PMM2: variants seen among roughly 807,000 people sequenced by gnomAD.
PMM2 encodes phosphomannomutase 2, also known as mannose-6-phosphate isomerase.
A neutral mutation model predicts 33.2 loss-of-function variants in PMM2; 35 were observed. The observed-to-expected ratio is 1.06, with a 90% CI of 0.81 to 1.40. The LOEUF is 1.40. Ranked by LOEUF, PMM2 falls within the 40% of genes most tolerant of loss-of-function variation. The pLI is 0.00. For synonymous variants in PMM2, 153 were observed against 114.7 expected, an observed-to-expected ratio of 1.33 and a Z score of -2.13; for missense variants, 386 against 306.0, an observed-to-expected ratio of 1.26 and a Z score of -1.95.
At chr16:8,836,348 G>T (rs2060847339) in intron 7 of PMM2, among the ~76,000 whole-genome samples, 1 of 152,054 alleles carries the variant, frequency 6.6e-6, no homozygotes, top group African/African-American at 2.4e-5. Flanking sequence ...AGGGGCTCTG[G>T]GGAGTGGCTG....
rs1272368081 is a variant in PMM2, at chr16:8,797,955, G to A, written c.66+7G>A. 1.2e-5 allele frequency: 19 copies of A among 1,596,084 alleles called. No individual in the cohort carries two copies. The highest frequency in any genetic ancestry group is 1.6e-5 in the Non-Finnish European group (19 of 1,172,476). On this transcript the variant is annotated splice_region_variant and intron_variant, in intron 1 of 7. Transcript: ENST00000268261. Reference sequence around the variant, plus strand: ...CCTCACCGCCCCGCGGCAGGTAAGTGGCGGCCGGCGGGCTGCTGGCAGCCG... The same window carrying A: ...CCTCACCGCCCCGCGGCAGGTAAGTAGCGGCCGGCGGGCTGCTGGCAGCCG...
chr16:8,836,168 A>G (rs1596502400), intron 7 of PMM2, among the ~76,000 whole-genome samples: 1 of 80,160 alleles, frequency 1.2e-5, no homozygotes. Flanking sequence ...TGGAGTGGGT[A>G]GCCTCCGTAT....
intron 7 of PMM2, among the ~76,000 whole-genome samples, chr16:8,844,549 G>A (rs147305311): frequency 1.4e-3 from 211 of 152,274 alleles, no homozygotes; most frequent in African/African-American, 4.8e-3. Context: ...AGGGGTTGGG[G>A]TCCTTGCCCC....
At chr16:8,833,942 T>C (rs2060827434) in intron 7 of PMM2, among the ~76,000 whole-genome samples, 1 of 147,880 alleles carries the variant, frequency 6.8e-6, no homozygotes, top group Non-Finnish European at 1.5e-5. Context: ...AGAAACAGTG[T>C]AAACCGGCAG....
rs946396953 is a variant in PMM2, at chr16:8,843,598, A to G, written c.640-4126A>G. On this transcript the variant is annotated intron_variant, in intron 7 of 7. Coordinates refer to ENST00000268261, the MANE Select transcript of PMM2 (RefSeq NM_000303.3). ...AACGCCTGGCCGCTGCGGTTCAGGC[A>G]TTTGGAAGTTCTTGTGTGCTGGAGA... 3.9e-5 allele frequency among the ~76,000 whole-genome samples: 6 copies of G among 152,128 alleles called. 1 individual carries two copies. The South Asian group carries it at 6.2e-4, about 16-fold the overall frequency.
chr16:8,845,076 A>C (rs2141049145), intron 7 of PMM2, among the ~76,000 whole-genome samples: 1 of 152,352 alleles, frequency 6.6e-6, no homozygotes, highest in Middle Eastern at 3.4e-3. Context: ...TTGTGTGAGC[A>C]ACATGGCTGT....
rs958388439 is a variant in PMM2, at chr16:8,847,800, G to A, written c.716G>A (p.Arg239Lys). 1.2e-6 allele frequency: 2 copies of A among 1,613,662 alleles called. No individual in the cohort carries two copies. Among genetic ancestry groups the A allele is most frequent in the Non-Finnish European group, 1.7e-6 (2 of 1,179,810 alleles). Residue 239 changes from arginine (R) to lysine (K), a missense_variant, in exon 8 of 8, where the codon AGG (arginine) becomes AAG (lysine). Transcript: ENST00000268261. ...YSVTAPEDTR[R>K]ICELLFS ...GTGACAGCGCCTGAGGACACGCGCA[G>A]GATCTGTGAACTGCTGTTCTCCTAA... is the stretch of plus-strand genomic sequence containing the variant.
At chr16:8,815,899 A>G (rs976009143) in intron 7 of PMM2, among the ~76,000 whole-genome samples, 3 of 152,162 alleles carry the variant, frequency 2.0e-5, no homozygotes, top group East Asian at 3.8e-4. Flanking sequence ...TTTGCAAACC[A>G]TATATCTGAT....
intron 2 of PMM2, among the ~76,000 whole-genome samples, chr16:8,804,566 G>A (rs746496554): frequency 1.3e-5 from 2 of 151,924 alleles, no homozygotes; most frequent in African/African-American, 4.8e-5. Flanking sequence ...AGTCATCATC[G>A]TTTAAATGTG....
chr16:8,816,478 C>A (rs1266798689), intron 7 of PMM2, among the ~76,000 whole-genome samples: 1 of 151,798 alleles, frequency 6.6e-6, no homozygotes, highest in African/African-American at 2.4e-5. Flanking sequence ...CGGTGGCTCA[C>A]ACCTATAATC....
intron 7 of PMM2, among the ~76,000 whole-genome samples, chr16:8,842,897 G>A (rs1267619032): frequency 6.6e-6 from 1 of 152,164 alleles, no homozygotes; most frequent in African/African-American, 2.4e-5. Context: ...CATGTGATCA[G>A]TTGTCAGGGA....
At chr16:8,822,656 C>A (rs1409878001) in intron 7 of PMM2, among the ~76,000 whole-genome samples, 1 of 152,106 alleles carries the variant, frequency 6.6e-6, no homozygotes, top group East Asian at 1.9e-4. Context: ...ATACCTTATT[C>A]CTAATACTTC....
chr16:8,848,987 A>G lies in PMM2; in HGVS notation c.*1162A>G, dbSNP rs1346263895. On this transcript the variant is annotated 3_prime_UTR_variant, in exon 8 of 8. Transcript: ENST00000268261. ...GTGTCACTTTTCAGGATGTGGAAAC[A>G]CTGAGCCATACACCCTCCATTGCTT... 1.3e-5 allele frequency: 2 copies of G among 152,232 alleles called. No homozygotes were observed. Among genetic ancestry groups the G allele is most frequent in the Non-Finnish European group, 2.9e-5 (2 of 68,052 alleles). The allele number at this position is 152,232 out of a possible 1,614,324, so 9.4% of individuals were successfully genotyped here.
intron 3 of PMM2, among the ~76,000 whole-genome samples, chr16:8,805,560 C>G (rs2141019574): frequency 6.6e-6 from 1 of 152,058 alleles, no homozygotes; most frequent in East Asian, 1.9e-4. Context: ...GATGATAAAA[C>G]TAGAGCAGAC....
chr16:8,833,619 G>A (rs1017710041), intron 7 of PMM2, among the ~76,000 whole-genome samples: 61 of 151,648 alleles, frequency 4.0e-4, no homozygotes, highest in Non-Finnish European at 7.2e-4. Context: ...ACCTAGAGTG[G>A]GAGAGATTAA....
At chr16:8,843,290 G>C (rs1292829556) in intron 7 of PMM2, among the ~76,000 whole-genome samples, 1 of 152,132 alleles carries the variant, frequency 6.6e-6, no homozygotes, top group African/African-American at 2.4e-5. Context: ...CACTGTGAGA[G>C]TTACCCAAAG....
chr16:8,801,122 G>A (rs1327063741), intron 1 of PMM2, among the ~76,000 whole-genome samples: 1 of 152,198 alleles, frequency 6.6e-6, no homozygotes, highest in Admixed American at 6.5e-5. Flanking sequence ...ACAGCATAGT[G>A]CTGAAAAACC....
intron 7 of PMM2, among the ~76,000 whole-genome samples, chr16:8,842,625 G>A (rs1200656884): frequency 6.6e-6 from 1 of 152,204 alleles, no homozygotes; most frequent in South Asian, 2.1e-4. Flanking sequence ...GAGGATGAAA[G>A]AGTGTATGGG....
In PMM2 at chr16:8,847,684, G is replaced by C. The variant is rs754042508; in HGVS notation, c.640-40G>C. 4.0e-6 allele frequency: 6 copies of C among 1,483,012 alleles called. No individual in the cohort carries two copies. The East Asian group carries it at 9.0e-5, about 22-fold the overall frequency. 91.9% of individuals were successfully genotyped at this position (1,483,012 alleles called of 1,614,324 possible). On this transcript the variant is annotated intron_variant, in intron 7 of 7. Coordinates refer to ENST00000268261, the MANE Select transcript of PMM2 (RefSeq NM_000303.3). ...GTCACATCAGCAATGGCCCGGGACA[G>C]ACGAGGGGGAGCCTTCATCTGTACT...
Sources: allele counts gnomAD v4.1 joint callset (sites outside exome capture counted in the v4.1 genomes callset), GRCh38; gene constraint gnomAD v4.1.1; transcripts MANE v1.5; gene names NCBI Gene and HGNC (gene_info 2026-07-23, HGNC 2026-07-21).